The following SH3KBP1 variants were observed in gnomAD, a reference collection of about 807,000 sequenced individuals.
SH3KBP1 encodes the protein SH3 domain-containing kinase-binding protein 1.
SH3KBP1 carries 8 observed loss-of-function variants against 50.1 expected under a neutral mutation model. That is an observed-to-expected ratio of 0.16 (90% CI 0.09 to 0.29). The LOEUF (loss-of-function observed/expected upper bound fraction) is 0.29, where lower values mean the gene tolerates loss of function less well. Among genes scored for constraint, SH3KBP1 ranks in the 10% least tolerant of loss-of-function variants. SH3KBP1 has a pLI of 1.00. For synonymous variants in SH3KBP1, 227 were observed against 218.6 expected (o/e 1.04, Z -0.34); for missense variants, 377 against 535.2 (o/e 0.70, Z 2.92).
intron 4 of SH3KBP1, among the ~76,000 whole-genome samples, chrX:19,698,566 G>A (rs1034383171): frequency 1.8e-5 from 2 of 111,737 alleles, no homozygotes; most frequent in African/African-American, 6.5e-5. Flanking sequence ...CATCGCCTGG[G>A]GACACACTTC....
At chrX:19,572,539 C>G (rs943652682) in intron 12 of SH3KBP1, among the ~76,000 whole-genome samples, 6 of 107,978 alleles carry the variant, frequency 5.6e-5, no homozygotes, top group Middle Eastern at 4.9e-3. Flanking sequence ...CTCTCTCTCT[C>G]TGTCTATATA....
At chrX:19,666,725 T>G (rs983999861) in intron 6 of SH3KBP1, among the ~76,000 whole-genome samples, 3 of 111,552 alleles carry the variant, frequency 2.7e-5, no homozygotes. Flanking sequence ...AAATTGGAAC[T>G]CTCATGCATT....
At chrX:19,741,644 A>G (rs994896949) in intron 3 of SH3KBP1, among the ~76,000 whole-genome samples, 39 of 112,073 alleles carry the variant, frequency 3.5e-4, no homozygotes, top group Non-Finnish European at 9.4e-5. Flanking sequence ...CACATTCAGA[A>G]TGACAGAAGT....
chrX:19,615,356 G>C (rs1202647040), intron 8 of SH3KBP1, among the ~76,000 whole-genome samples: 2 of 112,242 alleles, frequency 1.8e-5, no homozygotes, highest in Admixed American at 1.9e-4. Context: ...CAATTTCCCA[G>C]AAGTTATCCA....
At chrX:19,846,702 A>G (rs2147468915) in intron 1 of SH3KBP1, among the ~76,000 whole-genome samples, 1 of 112,351 alleles carries the variant, frequency 8.9e-6, no homozygotes, top group Non-Finnish European at 1.9e-5. Flanking sequence ...ATTACAGATT[A>G]TGTGAAATAA....
chrX:19,591,819 A>G (rs1313983916), intron 11 of SH3KBP1, among the ~76,000 whole-genome samples: 1 of 112,130 alleles, frequency 8.9e-6, no homozygotes, highest in Non-Finnish European at 1.9e-5. Context: ...ACATCAGGAA[A>G]CAGCAGCAAT....
chrX:19,598,687 C>T (rs2066985644), intron 9 of SH3KBP1, among the ~76,000 whole-genome samples: 1 of 111,041 alleles, frequency 9.0e-6, no homozygotes, highest in African/African-American at 3.3e-5. Flanking sequence ...TAGTGAAGCC[C>T]AAGGAGAGGG....
intron 2 of SH3KBP1, among the ~76,000 whole-genome samples, chrX:19,794,330 G>A (rs901561483): frequency 2.7e-5 from 3 of 111,106 alleles, no homozygotes; most frequent in African/African-American, 9.9e-5. Context: ...CTTGAGCCCA[G>A]GAGGTCGAGG....
intron 1 of SH3KBP1, among the ~76,000 whole-genome samples, chrX:19,863,877 C>A (rs2068838898): frequency 8.9e-6 from 1 of 112,124 alleles, no homozygotes; most frequent in Non-Finnish European, 1.9e-5. Context: ...AACAAAAAAG[C>A]CCATGCTTTT....
chrX:19,670,721 T>A lies in SH3KBP1; in HGVS notation c.726+13102A>T. On this transcript the variant is annotated intron_variant, in intron 6 of 17. Transcript: ENST00000397821. Reference sequence around the variant, plus strand: ...TTATCCATAGCTCCCCTCTGTGGGATCCTAGCTGGCACACACATTGTTTCA... The same window carrying A: ...TTATCCATAGCTCCCCTCTGTGGGAACCTAGCTGGCACACACATTGTTTCA... 5.0e-6 allele frequency: 3 copies of A among 594,084 alleles called. No individual in the cohort carries two copies. The East Asian group carries it at 1.1e-4, about 22-fold the overall frequency. The allele number at this position is 594,084 out of a possible 1,213,427, so 49.0% of individuals were successfully genotyped here.
At chrX:19,557,925 C>A (rs115201175) in intron 13 of SH3KBP1, among the ~76,000 whole-genome samples, 1,475 of 111,721 alleles carry the variant, frequency 0.013, 30 homozygotes, top group African/African-American at 0.044. Context: ...AGCATGGGGA[C>A]CCAATTTAGA....
intron 7 of SH3KBP1, among the ~76,000 whole-genome samples, chrX:19,632,519 A>G (rs1219740787): frequency 8.9e-6 from 1 of 112,821 alleles, no homozygotes; most frequent in African/African-American, 3.2e-5. Flanking sequence ...ACAAGTATTG[A>G]CTGAACATTC....
rs567962937 is a variant in SH3KBP1, at chrX:19,613,917, A to G, written c.898-5872T>C. Among the ~76,000 whole-genome samples, 43 of 112,863 alleles carry G rather than the reference A, an allele frequency of 3.8e-4. 1 individual carries two copies. In the South Asian group the frequency reaches 0.015, roughly 38 times the overall value. The stretch of plus-strand genomic sequence containing the variant: ...TCCTGACACATGTGAAAATCTTTGC[A>G]AAGTATAAAGAGTGACACAAGAGCT... On this transcript the variant is annotated intron_variant, in intron 8 of 17. Coordinates refer to ENST00000397821, the MANE Select transcript of SH3KBP1 (RefSeq NM_031892.3).
chrX:19,538,842 C>T (rs752325426), intron 16 of SH3KBP1, among the ~76,000 whole-genome samples: 1 of 112,188 alleles, frequency 8.9e-6, no homozygotes, highest in East Asian at 2.8e-4. Context: ...CCACCTCAGC[C>T]TCCCAAAGTG....
intron 2 of SH3KBP1, among the ~76,000 whole-genome samples, chrX:19,798,395 C>T (rs2066786415): frequency 9.0e-6 from 1 of 110,909 alleles, no homozygotes; most frequent in East Asian, 2.8e-4. Context: ...CCGAGGTTTA[C>T]CTTTTGTTTT....
intron 9 of SH3KBP1, among the ~76,000 whole-genome samples, chrX:19,600,638 T>G (rs762211040): frequency 5.4e-5 from 6 of 111,574 alleles, no homozygotes; most frequent in Non-Finnish European, 1.1e-4. Flanking sequence ...AGGTCAAGGT[T>G]TCCTGTGTGG....
intron 2 of SH3KBP1, among the ~76,000 whole-genome samples, chrX:19,818,737 C>T (rs1239384678): frequency 8.9e-6 from 1 of 112,041 alleles, no homozygotes; most frequent in Non-Finnish European, 1.9e-5. Flanking sequence ...GATTTCCAAA[C>T]ACTGAAGTGG....
chrX:19,635,491 T>C (rs1258930030), intron 7 of SH3KBP1, among the ~76,000 whole-genome samples: 1 of 108,633 alleles, frequency 9.2e-6, no homozygotes, highest in Non-Finnish European at 1.9e-5. Context: ...GGCACACATA[T>C]ACCTGTGTAA....
chrX:19,746,465 A>G, intron 2 of SH3KBP1, 24 bp from the exon 3 acceptor site: 1 of 1,183,514 alleles, frequency 8.4e-7, no homozygotes, highest in Non-Finnish European at 1.1e-6. Context: ...TAAAAGGAAA[A>G]CAAGATTATA....
Sources: allele counts gnomAD v4.1 joint callset (sites outside exome capture counted in the v4.1 genomes callset), GRCh38; gene constraint gnomAD v4.1.1; transcripts MANE v1.5; gene names NCBI Gene and HGNC (gene_info 2026-07-23, HGNC 2026-07-21).